CAMK1D: variants seen among roughly 807,000 people sequenced by gnomAD.
CAMK1D encodes calcium/calmodulin dependent protein kinase ID.
CAMK1D carries 9 observed loss-of-function variants against 47.7 expected under a neutral mutation model. That is an observed-to-expected ratio of 0.19 (90% CI 0.11 to 0.33). CAMK1D has a LOEUF of 0.33. Among genes scored for constraint, CAMK1D ranks in the 10% least tolerant of loss-of-function variants. CAMK1D has a pLI of 1.00. For missense variants in CAMK1D, 291 were observed against 488.7 expected (o/e 0.60, Z 3.81); for synonymous variants, 184 against 184.9 (o/e 0.99, Z 0.04).
At chr10:12,635,145 G>T (rs942561783) in intron 2 of CAMK1D, among the ~76,000 whole-genome samples, 1 of 152,090 alleles carries the variant, frequency 6.6e-6, no homozygotes, top group African/African-American at 2.4e-5. Flanking sequence ...TTGATGTGGG[G>T]TGTGGTGGAG....
At chr10:12,795,725 C>G (rs987634566) in intron 6 of CAMK1D, among the ~76,000 whole-genome samples, 3 of 152,132 alleles carry the variant, frequency 2.0e-5, no homozygotes. Context: ...TAAATTGGCC[C>G]TCTTTTGGTC....
At chr10:12,753,487 G>A (rs1044628767) in intron 3 of CAMK1D, among the ~76,000 whole-genome samples, 1 of 152,280 alleles carries the variant, frequency 6.6e-6, no homozygotes, top group South Asian at 2.1e-4. Context: ...TAGACTAAAA[G>A]TTTATAGAGA....
At chr10:12,536,430 C>T (rs1835972678) in intron 1 of CAMK1D, among the ~76,000 whole-genome samples, 1 of 152,158 alleles carries the variant, frequency 6.6e-6, no homozygotes, top group South Asian at 2.1e-4. Context: ...AGGTGCACAC[C>T]ACCACACCTA....
chr10:12,376,996 A>C (rs1031998627), intron 1 of CAMK1D, among the ~76,000 whole-genome samples: 5 of 152,120 alleles, frequency 3.3e-5, no homozygotes, highest in African/African-American at 1.2e-4. Flanking sequence ...CCTGACCTCA[A>C]GTGATCCTCC....
intron 2 of CAMK1D, among the ~76,000 whole-genome samples, chr10:12,665,139 G>A (rs1840389056): frequency 6.6e-6 from 1 of 152,062 alleles, no homozygotes; most frequent in South Asian, 2.1e-4. Flanking sequence ...TAGAAACTAT[G>A]GCTGACAAAT....
intron 1 of CAMK1D, among the ~76,000 whole-genome samples, chr10:12,435,481 T>C (rs1037401299): frequency 3.3e-5 from 5 of 152,096 alleles, no homozygotes; most frequent in African/African-American, 1.2e-4. Context: ...CTGGAGTTCC[T>C]GTTACCTCAA....
chr10:12,702,654 A>G (rs542050916), intron 3 of CAMK1D, among the ~76,000 whole-genome samples: 3 of 152,288 alleles, frequency 2.0e-5, no homozygotes, highest in Non-Finnish European at 4.4e-5. Context: ...TGATGATCCC[A>G]GTTTTACAAG....
chr10:12,423,438 C>T (rs1459956976), intron 1 of CAMK1D, among the ~76,000 whole-genome samples: 2 of 151,936 alleles, frequency 1.3e-5, no homozygotes, highest in African/African-American at 4.8e-5. Context: ...TCACTTGAGC[C>T]CAGGAGGTTG....
chr10:12,530,009 A>C (rs1835752868), intron 1 of CAMK1D, among the ~76,000 whole-genome samples: 1 of 152,250 alleles, frequency 6.6e-6, no homozygotes, highest in South Asian at 2.1e-4. Context: ...AAAGACATTT[A>C]GCCAACTGGC....
chr10:12,570,187 G>A (rs1368571798), intron 2 of CAMK1D, among the ~76,000 whole-genome samples: 2 of 152,036 alleles, frequency 1.3e-5, no homozygotes, highest in African/African-American at 2.4e-5. Context: ...GCGACAGAGT[G>A]AGACTACGTC....
chr10:12,791,251 C>T lies in CAMK1D; in HGVS notation c.641+18C>T. On this transcript the variant is annotated intron_variant, in intron 6 of 10. Transcript: ENST00000619168. ...TACATCTTGTAAGTACTGCCTGCTGCCTTGGGTTCTTCCTCTACCGGCCTT... is the reference window on the plus strand; with the variant it reads ...TACATCTTGTAAGTACTGCCTGCTGTCTTGGGTTCTTCCTCTACCGGCCTT... The T allele has an allele frequency of 6.2e-7, 1 of 1,609,836 alleles. No individual in the cohort carries two copies. The highest frequency in any genetic ancestry group is 8.5e-7 in the Non-Finnish European group (1 of 1,177,572).
chr10:12,747,839 G>T lies in CAMK1D; in HGVS notation c.300-13109G>T, dbSNP rs116356809. ...AATGTCCCAGCTTTAAAGCAGTCAAGCAGGAGGGATCCCCTCATATTCGGG... is the reference window on the plus strand; with the variant it reads ...AATGTCCCAGCTTTAAAGCAGTCAATCAGGAGGGATCCCCTCATATTCGGG... On this transcript the variant is annotated intron_variant, in intron 3 of 10. Coordinates refer to ENST00000619168, the MANE Select transcript of CAMK1D (RefSeq NM_153498.4). 7.3e-3 allele frequency among the ~76,000 whole-genome samples: 1,108 copies of T among 152,302 alleles called. 19 individuals carry two copies. Among genetic ancestry groups the T allele is most frequent in the African/African-American group, 0.025 (1,048 of 41,554 alleles).
rs547286769 is a variant in CAMK1D at position 12,512,208 on chromosome 10, A to G, written c.93-41017A>G. ...GTATCAAAACGTGTCAGCTCATCAAAACATTTATAAAACCCCTTCCAAAAG... is the reference window on the plus strand; with the variant it reads ...GTATCAAAACGTGTCAGCTCATCAAGACATTTATAAAACCCCTTCCAAAAG... On this transcript the variant is annotated intron_variant, in intron 1 of 10. Transcript: ENST00000619168. Among the ~76,000 whole-genome samples the G allele has an allele frequency of 2.6e-5, 4 of 152,320 alleles. No homozygotes were observed. In the South Asian group the frequency reaches 8.3e-4, roughly 32 times the overall value.
chr10:12,555,586 T>A (rs1836734660), intron 2 of CAMK1D, among the ~76,000 whole-genome samples: 1 of 152,186 alleles, frequency 6.6e-6, no homozygotes, highest in South Asian at 2.1e-4. Context: ...AATGAGACAT[T>A]TATTTAAATT....
rs1436235747 is a variant in CAMK1D, at chr10:12,691,415, A to T, written c.299+24605A>T. Among the ~76,000 whole-genome samples, 28 of 2,248 alleles carry T rather than the reference A, an allele frequency of 0.012. 2 individuals are homozygous for T. In the East Asian group the frequency reaches 0.14, roughly 11 times the overall value. The allele number at this position is 2,248 out of a possible 152,430, so 1.5% of individuals were successfully genotyped here. A position where few individuals can be genotyped will look rare whatever the true frequency, so the allele number is the denominator to read the frequency against. On this transcript the variant is annotated intron_variant, in intron 3 of 10. Coordinates refer to ENST00000619168, the MANE Select transcript of CAMK1D (RefSeq NM_153498.4). ...TATATATATATATAAATATATATAT[A>T]TATATATTTTTTTTTTTTTTTTTTT...
At chr10:12,533,256 G>A (rs928364271) in intron 1 of CAMK1D, among the ~76,000 whole-genome samples, 2 of 152,014 alleles carry the variant, frequency 1.3e-5, no homozygotes, top group Non-Finnish European at 2.9e-5. Context: ...CCTTTCTGAC[G>A]GCACCACTTT....
intron 1 of CAMK1D, among the ~76,000 whole-genome samples, chr10:12,379,600 A>G (rs1281104445): frequency 6.6e-6 from 1 of 152,038 alleles, no homozygotes; most frequent in Non-Finnish European, 1.5e-5. Flanking sequence ...TAAAAATACA[A>G]AAATTAGCCG....
At chr10:12,536,397 G>A (rs1344881736) in intron 1 of CAMK1D, among the ~76,000 whole-genome samples, 3 of 152,130 alleles carry the variant, frequency 2.0e-5, no homozygotes, top group African/African-American at 7.2e-5. Context: ...TCCTACCTTA[G>A]CCTCCAGAGT....
intron 3 of CAMK1D, among the ~76,000 whole-genome samples, chr10:12,708,267 G>A (rs181980517): frequency 2.9e-3 from 432 of 151,554 alleles, no homozygotes; most frequent in African/African-American, 9.9e-3. Flanking sequence ...CCTGGGAGAC[G>A]TTCTTAAAGT....
Sources: allele counts gnomAD v4.1 joint callset (sites outside exome capture counted in the v4.1 genomes callset), GRCh38; gene constraint gnomAD v4.1.1; transcripts MANE v1.5; gene names NCBI Gene and HGNC (gene_info 2026-07-23, HGNC 2026-07-21).